Variants in SLC4A1AP observed in about 807,000 individuals in gnomAD.
SLC4A1AP encodes kanadaptin.
Under a neutral mutation model 89.7 loss-of-function variants are expected in SLC4A1AP, and 64 were observed. That is an observed-to-expected ratio of 0.71 (90% CI 0.58 to 0.88). SLC4A1AP has a LOEUF of 0.88. Ranked by LOEUF, SLC4A1AP falls within the 40% of genes least tolerant of loss-of-function variation. The pLI is 0.00. For missense variants in SLC4A1AP, 931 were observed against 965.0 expected (o/e 0.96, Z 0.47); for synonymous variants, 366 against 353.3 (o/e 1.04, Z -0.40).
At chr2:27,669,028 C>T (rs1321740428) in intron 4 of SLC4A1AP, 125 bp downstream of exon 4, 2 of 1,130,862 alleles carry the variant, frequency 1.8e-6, no homozygotes, top group African/African-American at 3.1e-5. Flanking sequence ...AAATTTGAGC[C>T]TTTATCGTTT....
chr2:27,672,701 G>A (rs1034057087), intron 5 of SLC4A1AP, among the ~76,000 whole-genome samples: 2 of 152,082 alleles, frequency 1.3e-5, no homozygotes, highest in African/African-American at 2.4e-5. Flanking sequence ...ATATAGGTGG[G>A]GTTTCTGCAT....
At chr2:27,669,431 AAACTC>A (rs1201599244) in intron 5 of SLC4A1AP, 44 bp downstream of exon 5, 7 of 1,462,246 alleles carry the variant, frequency 4.8e-6, no homozygotes, top group African/African-American at 1.4e-5. Flanking sequence ...AAAAAAAGGA[AAACTC>A]AACACAAACG....
intron 5 of SLC4A1AP, among the ~76,000 whole-genome samples, chr2:27,670,052 G>A (rs779344796): frequency 5.3e-5 from 8 of 152,032 alleles, no homozygotes; most frequent in African/African-American, 1.2e-4. Flanking sequence ...TAGTAGAGAC[G>A]GGGTTTCTCC....
intron 6 of SLC4A1AP, 110 bp from the exon 7 acceptor site, chr2:27,677,185 C>A: frequency 2.5e-6 from 2 of 787,336 alleles, no homozygotes; most frequent in Non-Finnish European, 2.2e-6. Flanking sequence ...TTTAACTGGA[C>A]TTTTGAATTA....
At chr2:27,685,091 G>C (rs1304570145) in exon 10 of SLC4A1AP, 1 of 1,613,600 alleles carries the variant, frequency 6.2e-7, no homozygotes, top group African/African-American at 1.3e-5. Flanking sequence ...AATGAAAGAT[G>C]AGCCTGAAGT....
rs1381912403 is a variant in SLC4A1AP at position 27,677,428 on chromosome 2, CTACAT to C, written c.1576+67_1576+71del. The C allele has an allele frequency of 3.7e-6, 4 of 1,086,318 alleles. No individual in the cohort carries two copies. The African/African-American group carries it at 6.3e-5, about 17-fold the overall frequency. 67.3% of individuals were successfully genotyped at this position (1,086,318 alleles called of 1,614,324 possible). ...TAGTGCTCTATGCTAGGCACTGGGG[CTACAT>C]TAGTTAATAAGAAATACCATACAGA... is the stretch of plus-strand genomic sequence containing the variant. On this transcript the variant is annotated intron_variant, in intron 7 of 13. Transcript: ENST00000613058.
At chr2:27,677,241 A>G in intron 6 of SLC4A1AP, 54 bp from the exon 7 acceptor site, 1 of 1,170,226 alleles carries the variant, frequency 8.5e-7, no homozygotes, top group Non-Finnish European at 1.3e-6. Flanking sequence ...AGGAGGATGA[A>G]AAACAGTTTG....
At chr2:27,682,389 T>C (rs764845102) in intron 9 of SLC4A1AP, 30 bp downstream of exon 9, 1 of 1,413,916 alleles carries the variant, frequency 7.1e-7, no homozygotes, top group Non-Finnish European at 9.9e-7. Context: ...GTTAAACTTT[T>C]AGCCCTTGAG....
At chr2:27,677,359 G>A in exon 7 of SLC4A1AP, 1 of 1,611,172 alleles carries the variant, frequency 6.2e-7, no homozygotes. Flanking sequence ...AAAGCCTCAA[G>A]CCAAGGTAAG....
chr2:27,684,614 T>C (rs538556704), intron 9 of SLC4A1AP, among the ~76,000 whole-genome samples: 1 of 152,306 alleles, frequency 6.6e-6, no homozygotes, highest in Non-Finnish European at 1.5e-5. Flanking sequence ...ACATGCCTTG[T>C]TTCCTTGAAA....
intron 5 of SLC4A1AP, among the ~76,000 whole-genome samples, chr2:27,672,353 T>C (rs1190094279): frequency 6.6e-6 from 1 of 152,092 alleles, no homozygotes; most frequent in African/African-American, 2.4e-5. Context: ...TTTCTGCACC[T>C]TTATCTTTCT....
chr2:27,677,912 C>G (rs1408661637), exon 8 of SLC4A1AP: 1 of 1,592,174 alleles, frequency 6.3e-7, no homozygotes, highest in African/African-American at 1.4e-5. Flanking sequence ...GCAGAGATTC[C>G]AGAACTAAAA....
chr2:27,682,789 T>C lies in SLC4A1AP; in HGVS notation c.1875+430T>C, dbSNP rs574189429. ...CACCTGCCTTGGCCTCCCAAAATGC[T>C]GGGTTTATAGGCATGAGCCATTGTG... On this transcript the variant is annotated intron_variant, in intron 9 of 13. Coordinates refer to ENST00000613058, the Ensembl canonical transcript of SLC4A1AP. 5.2e-4 allele frequency among the ~76,000 whole-genome samples: 79 copies of C among 152,314 alleles called. No homozygotes were observed. In the South Asian group the frequency reaches 0.011, roughly 21 times the overall value.
chr2:27,664,075 T>C (rs1244575917), exon 1 of SLC4A1AP: 7 of 1,614,066 alleles, frequency 4.3e-6, no homozygotes, highest in Non-Finnish European at 5.9e-6. Context: ...CCCACTGCGT[T>C]GCAGGACTCC....
intron 8 of SLC4A1AP, among the ~76,000 whole-genome samples, chr2:27,680,855 G>A (rs1174861780): frequency 2.7e-5 from 4 of 146,636 alleles, no homozygotes; most frequent in Admixed American, 1.4e-4. Flanking sequence ...AAAAAAAAAC[G>A]AAAACGAAAT....
rs113344403 is a variant in SLC4A1AP at position 27,665,319 on chromosome 2, G to T, written c.1021+24G>T. 1,828 of 1,566,696 alleles carry T rather than the reference G, an allele frequency of 1.2e-3. 9 individuals carry two copies. The highest frequency in any genetic ancestry group is 1.4e-3 in the Non-Finnish European group (1,584 of 1,157,738). On this transcript the variant is annotated intron_variant, in intron 2 of 13. Transcript: ENST00000613058. Reference sequence around the variant, plus strand: ...GGGTAAGAAATTAAAATTGCTGCCGGAGGTTAATATTTTAAGTTCATTACA... The same window carrying T: ...GGGTAAGAAATTAAAATTGCTGCCGTAGGTTAATATTTTAAGTTCATTACA...
In SLC4A1AP at chr2:27,664,152, G is replaced by T; in HGVS notation, c.400G>T (p.Glu134Ter). 1 of 1,614,154 alleles carries T rather than the reference G, an allele frequency of 6.2e-7. No individual in the cohort carries two copies. The highest frequency in any genetic ancestry group is 8.5e-7 in the Non-Finnish European group (1 of 1,180,024). Residue 134 changes from glutamate to a stop codon, truncating the protein, a stop_gained, in exon 1 of 14, where the codon GAG becomes TAG. Coordinates refer to ENST00000613058, the Ensembl canonical transcript of SLC4A1AP. LOFTEE classifies it high-confidence loss of function. ...CGGTGATTTTAGGAGTCTACAGGAG[G>T]AGCAGTCGCGCCCCCCGACAGCGGT...
At chr2:27,682,122 T>C (rs1039930771) in intron 8 of SLC4A1AP, 126 bp from the exon 9 acceptor site, 1 of 620,826 alleles carries the variant, frequency 1.6e-6, no homozygotes, top group East Asian at 2.9e-5. Flanking sequence ...TATTGTTATA[T>C]GCTTAGATAT....
At chr2:27,689,668 C>A (rs1381034003) in intron 12 of SLC4A1AP, among the ~76,000 whole-genome samples, 1 of 152,166 alleles carries the variant, frequency 6.6e-6, no homozygotes, top group African/African-American at 2.4e-5. Context: ...TGGCATCTAC[C>A]AAAATTCAGA....
Sources: allele counts gnomAD v4.1 joint callset (sites outside exome capture counted in the v4.1 genomes callset), GRCh38; gene constraint gnomAD v4.1.1; transcripts MANE v1.5; gene names NCBI Gene and HGNC (gene_info 2026-07-23, HGNC 2026-07-21).